Variants in PIGX observed in about 807,000 individuals in gnomAD.
PIGX encodes the protein GPI alpha-1,4-mannosyltransferase I, stabilizing subunit.
A neutral mutation model predicts 28.7 loss-of-function variants in PIGX; 24 were observed. That is an observed-to-expected ratio of 0.84 (90% CI 0.60 to 1.17). The LOEUF (loss-of-function observed/expected upper bound fraction) is 1.17. Among genes scored for constraint, PIGX ranks in the 50% most tolerant of loss-of-function variants. PIGX has a pLI of 0.00. For missense variants in PIGX, 305 were observed against 317.8 expected, an observed-to-expected ratio of 0.96 and a Z score of 0.31; for synonymous variants, 127 against 121.0, an observed-to-expected ratio of 1.05 and a Z score of -0.33.
intron 5 of PIGX, among the ~76,000 whole-genome samples, chr3:196,732,565 C>T (rs1214013301): frequency 6.6e-6 from 1 of 151,894 alleles, no homozygotes; most frequent in East Asian, 1.9e-4. Flanking sequence ...CAGGCATGAG[C>T]CACTGCACCC....
chr3:196,728,783 C>T, intron 4 of PIGX: 1 of 766,166 alleles, frequency 1.3e-6, no homozygotes, highest in East Asian at 2.4e-5. Flanking sequence ...TTCTCAGTAG[C>T]CATTTAATAT....
intron 2 of PIGX, among the ~76,000 whole-genome samples, chr3:196,718,326 A>G (rs887902732): frequency 9.9e-5 from 15 of 151,716 alleles, no homozygotes; most frequent in East Asian, 1.9e-4. Flanking sequence ...GAAAAAAAAA[A>G]GGGGGGGAAG....
intron 4 of PIGX, among the ~76,000 whole-genome samples, chr3:196,730,067 CAA>C (rs779405650): frequency 1.4e-4 from 14 of 102,388 alleles, no homozygotes; most frequent in Non-Finnish European, 1.4e-4. Flanking sequence ...AAGACTGTCT[CAA>C]AAAAAAAAAA....
In PIGX at chr3:196,733,899, A is replaced by C. The variant is rs144273559; in HGVS notation, c.774A>C (p.Leu258=). ...TTTTCAAATATGGCCATTTTTCCCT[A>C]TAAGTTTTATGTAGTTAAATGCTTC... is the stretch of plus-strand genomic sequence containing the variant. The change falls in exon 6 of 6, where the codon CTA becomes CTC. Residue 258 remains leucine, a synonymous_variant. Coordinates refer to ENST00000392391, the MANE Select transcript of PIGX (RefSeq NM_017861.4). The surrounding 1 kb of genome is among the most constrained non-coding windows in gnomAD (Gnocchi z 4.3). 59 of 1,587,624 alleles carry C rather than the reference A, an allele frequency of 3.7e-5. No homozygotes were observed. Among genetic ancestry groups the C allele is most frequent in the Non-Finnish European group, 5.1e-5 (59 of 1,156,476 alleles).
chr3:196,729,979 G>GA (rs1712682595), intron 4 of PIGX, among the ~76,000 whole-genome samples: 1 of 151,160 alleles, frequency 6.6e-6, no homozygotes, highest in Non-Finnish European at 1.5e-5. Context: ...CTGAGGCACG[G>GA]GAATCACTTG....
At chr3:196,731,462 G>A (rs777820740) in intron 5 of PIGX, among the ~76,000 whole-genome samples, 1 of 152,320 alleles carries the variant, frequency 6.6e-6, no homozygotes, top group South Asian at 2.1e-4. Context: ...ACAGGCATGA[G>A]CCACCGTGCC....
At position 196,725,909 on chromosome 3, in the gene PIGX, T is replaced by G. The variant is rs150270810; in HGVS notation, c.319-2014T>G. On this transcript the variant is annotated intron_variant, in intron 3 of 5. Transcript: ENST00000392391. Reference sequence around the variant, plus strand: ...CAAAACCTTAAAAAAATATCAAACTTTTTCTAAGTAACTTATCTGCATCCC... The same window carrying G: ...CAAAACCTTAAAAAAATATCAAACTGTTTCTAAGTAACTTATCTGCATCCC... Among the ~76,000 whole-genome samples, 1,225 of 152,256 alleles carry G rather than the reference T, an allele frequency of 8.0e-3. 12 individuals are homozygous for G. Among genetic ancestry groups the G allele is most frequent in the African/African-American group, 0.028 (1,170 of 41,534 alleles).
At chr3:196,715,933 T>G (rs1312057692) in intron 1 of PIGX, among the ~76,000 whole-genome samples, 1 of 152,238 alleles carries the variant, frequency 6.6e-6, no homozygotes, top group Non-Finnish European at 1.5e-5. Flanking sequence ...GGGACAAAGT[T>G]CCATAGCAAA....
intron 3 of PIGX, 93 bp from the exon 4 acceptor site, chr3:196,727,830 C>A: frequency 1.3e-6 from 1 of 798,114 alleles, no homozygotes; most frequent in Non-Finnish European, 2.0e-6. Flanking sequence ...TTTGACACTG[C>A]TGTGTATCTG....
In PIGX at chr3:196,731,001, T is replaced by G; in HGVS notation, c.542T>G (p.Ile181Ser). ...CTACCACTTTTCTCAGAGTTCCCGATTTTGAAATGCTGGGCTCACTCAGAA... is the reference window on the plus strand; with the variant it reads ...CTACCACTTTTCTCAGAGTTCCCGAGTTTGAAATGCTGGGCTCACTCAGAA... Residue 181 changes from isoleucine (I) to serine (S), a missense_variant, in exon 5 of 6, where the codon ATT becomes AGT. Transcript: ENST00000392391. The G allele has an allele frequency of 6.2e-7, 1 of 1,606,486 alleles. No individual in the cohort carries two copies. Among genetic ancestry groups the G allele is most frequent in the Non-Finnish European group, 8.5e-7 (1 of 1,173,980 alleles).
At chr3:196,719,352 T>A (rs182374285) in intron 2 of PIGX, among the ~76,000 whole-genome samples, 79 of 152,312 alleles carry the variant, frequency 5.2e-4, no homozygotes, top group African/African-American at 1.9e-3. Flanking sequence ...TATTATACTT[T>A]AAGTTCTAGG....
At chr3:196,724,479 A>T (rs1259109108) in intron 3 of PIGX, among the ~76,000 whole-genome samples, 1 of 152,186 alleles carries the variant, frequency 6.6e-6, no homozygotes, top group African/African-American at 2.4e-5. Context: ...AAGAAAATCA[A>T]AGTTTTTTGG....
intron 4 of PIGX, among the ~76,000 whole-genome samples, chr3:196,729,627 T>C (rs1003612062): frequency 2.0e-5 from 3 of 151,104 alleles, no homozygotes; most frequent in Non-Finnish European, 3.0e-5. Flanking sequence ...GACCTCGTGA[T>C]CCACCCGCCT....
chr3:196,728,617 C>T, intron 4 of PIGX: 1 of 759,662 alleles, frequency 1.3e-6, no homozygotes, highest in Non-Finnish European at 2.4e-6. Context: ...GAACCTGGGC[C>T]ATTTGACCTG....
intron 3 of PIGX, among the ~76,000 whole-genome samples, chr3:196,723,073 G>A (rs141821792): frequency 1.5e-3 from 230 of 152,336 alleles, no homozygotes; most frequent in Admixed American, 3.3e-3. Context: ...TGGGTGCAGC[G>A]TCTTACGCTT....
At chr3:196,714,337 G>A (rs941534073) in intron 1 of PIGX, among the ~76,000 whole-genome samples, 1 of 152,160 alleles carries the variant, frequency 6.6e-6, no homozygotes, top group African/African-American at 2.4e-5. Context: ...GGTGGCGTGG[G>A]CCTATAATCC....
intron 2 of PIGX, among the ~76,000 whole-genome samples, chr3:196,719,657 A>G (rs978757199): frequency 6.6e-6 from 1 of 152,098 alleles, no homozygotes; most frequent in Admixed American, 6.6e-5. Flanking sequence ...TGCTGTTGTT[A>G]TCACATATTT....
chr3:196,713,963 C>T (rs1200482686), intron 1 of PIGX, among the ~76,000 whole-genome samples: 1 of 151,912 alleles, frequency 6.6e-6, no homozygotes, highest in Non-Finnish European at 1.5e-5. Context: ...AAAAATGGTA[C>T]TTTTGCCTTT....
At chr3:196,732,288 A>C (rs558936125) in intron 5 of PIGX, among the ~76,000 whole-genome samples, 1 of 45,306 alleles carries the variant, frequency 2.2e-5, no homozygotes, top group African/African-American at 9.7e-5. Context: ...TTTTTATTTT[A>C]TTTTTTTTTT....
Sources: allele counts gnomAD v4.1 joint callset (sites outside exome capture counted in the v4.1 genomes callset), GRCh38; gene constraint gnomAD v4.1.1; non-coding constraint Gnocchi (gnomAD v3.1); transcripts MANE v1.5; gene names NCBI Gene and HGNC (gene_info 2026-07-23, HGNC 2026-07-21).